The following MRPL49 variants were observed in gnomAD, a reference collection of about 807,000 sequenced individuals.
MRPL49 encodes the protein mitochondrial ribosomal protein L49.
Under a neutral mutation model 18.4 loss-of-function variants are expected in MRPL49, and 14 were observed. The observed-to-expected ratio is 0.76, with a 90% CI of 0.50 to 1.19. MRPL49 has a LOEUF of 1.19. Ranked by LOEUF, MRPL49 falls within the 50% of genes most tolerant of loss-of-function variation. The pLI, the probability that MRPL49 is intolerant of heterozygous loss-of-function variation, is 0.00. For missense variants in MRPL49, 190 were observed against 217.8 expected, an observed-to-expected ratio of 0.87 and a Z score of 0.80; for synonymous variants, 104 against 86.2, an observed-to-expected ratio of 1.21 and a Z score of -1.14.
At position 65,122,370 on chromosome 11, in the gene MRPL49, T is replaced by C. The variant is rs770601478; in HGVS notation, c.24T>C (p.Ala8=). MAATMFR[A]TLRGWRTGVQ... is the part of the protein sequence containing the mutation. ...AGATGGCAGCTACCATGTTCCGGGC[T>C]ACGCTGCGGGGATGGAGAACCGGTG... The change falls in exon 1 of 4, where the codon GCT becomes GCC. Residue 8 remains alanine (A), a synonymous_variant. Coordinates refer to ENST00000279242, the MANE Select transcript of MRPL49 (RefSeq NM_004927.4). The C allele has an allele frequency of 2.3e-5, 37 of 1,613,086 alleles. No homozygotes were observed. Among genetic ancestry groups the C allele is most frequent in the Non-Finnish European group, 3.1e-5 (37 of 1,179,710 alleles).
Position 65,124,671 on chromosome 11 carries a change from G to A in MRPL49, c.229+19G>A, listed in dbSNP as rs779990306. 2 of 1,612,554 alleles carry A rather than the reference G, an allele frequency of 1.2e-6. No homozygotes were observed. Among genetic ancestry groups the A allele is most frequent in the Non-Finnish European group, 1.7e-6 (2 of 1,179,370 alleles). ...CCCAGAGGTGAGCTGGGTGGTTAGG[G>A]ATGATTTGAAAGCTTCACGGAGCAT... On this transcript the variant is annotated intron_variant, in intron 2 of 3. Coordinates refer to ENST00000279242, the MANE Select transcript of MRPL49 (RefSeq NM_004927.4).
chr11:65,122,519 G>C, intron 1 of MRPL49, 95 bp downstream of exon 1: 1 of 1,232,742 alleles, frequency 8.1e-7, no homozygotes, highest in Non-Finnish European at 1.1e-6. Flanking sequence ...TTCCTACTTG[G>C]GGCCTTAGTT....
At position 65,125,494 on chromosome 11, in the gene MRPL49, C is replaced by T. The variant is rs1948090845; in HGVS notation, c.236C>T (p.Pro79Leu). 2 of 1,613,802 alleles carry T rather than the reference C, an allele frequency of 1.2e-6. No individual in the cohort carries two copies. Among genetic ancestry groups the T allele is most frequent in the Non-Finnish European group, 1.7e-6 (2 of 1,179,914 alleles). ...GTGTCTTTCCCTGTTGCAGACCCCC[C>T]ACCCAACCTGCCTTACTTTGTACGA... ...PSGWQPPRDP[P>L]PNLPYFVRRS... Residue 79 changes from proline to leucine, a missense_variant, in exon 3 of 4, where the codon CCA (proline) becomes CTA (leucine). By Grantham distance (98) the Pro-to-Leu change is moderately conservative. Coordinates refer to ENST00000279242, the MANE Select transcript of MRPL49 (RefSeq NM_004927.4).
In MRPL49 at chr11:65,125,498, C is replaced by G; in HGVS notation, c.240C>G (p.Pro80=). ...CTTTCCCTGTTGCAGACCCCCCACC[C>G]AACCTGCCTTACTTTGTACGACGCT... is the stretch of plus-strand genomic sequence containing the variant. ...SGWQPPRDPP[P]NLPYFVRRSR... is the part of the protein sequence containing the mutation. The change falls in exon 3 of 4, where the codon CCC becomes CCG. Residue 80 remains proline, a synonymous_variant. Coordinates refer to ENST00000279242, the MANE Select transcript of MRPL49 (RefSeq NM_004927.4). The G allele has an allele frequency of 5.6e-6, 9 of 1,613,862 alleles. No individual in the cohort carries two copies. Among genetic ancestry groups the G allele is most frequent in the Non-Finnish European group, 7.6e-6 (9 of 1,179,924 alleles).
chr11:65,125,299 G>C, intron 2 of MRPL49, 189 bp from the exon 3 acceptor site: 1 of 625,074 alleles, frequency 1.6e-6, no homozygotes, highest in Non-Finnish European at 2.7e-6. Flanking sequence ...TGGGGCCTTA[G>C]GGTACCAGGG....
In MRPL49 at chr11:65,126,028, A is replaced by C; in HGVS notation, c.*156A>C. 665 of 762,662 alleles carry C rather than the reference A, an allele frequency of 8.7e-4. No homozygotes were observed. Among genetic ancestry groups the C allele is most frequent in the East Asian group, 1.5e-3 (51 of 33,308 alleles). The allele number at this position is 762,662 out of a possible 1,614,324, so 47.2% of individuals were successfully genotyped here. On this transcript the variant is annotated 3_prime_UTR_variant, in exon 4 of 4. Coordinates refer to ENST00000279242, the MANE Select transcript of MRPL49 (RefSeq NM_004927.4). ...CAGGCCTTGCTTGCATAAAGGAGAA[A>C]ACAACTCTATGTACATGCTGGGGGA...
rs760477929 is a variant in MRPL49, at chr11:65,122,330, T to C, written c.-17T>C. ...CCAGACAGTTGCGCGCACAGAAGGC[T>C]GGCGTAGCAGGTAAAGATGGCAGCT... On this transcript the variant is annotated 5_prime_UTR_variant, in exon 1 of 4. Transcript: ENST00000279242. 1 of 1,610,274 alleles carries C rather than the reference T, an allele frequency of 6.2e-7. No homozygotes were observed. Among genetic ancestry groups the C allele is most frequent in the South Asian group, 1.1e-5 (1 of 90,632 alleles).
rs1294963508 is a variant in MRPL49 at position 65,126,761 on chromosome 11, A to C, written c.*889A>C. 9 of 507,944 alleles carry C rather than the reference A, an allele frequency of 1.8e-5. No individual in the cohort carries two copies. The highest frequency in any genetic ancestry group is 3.1e-5 in the Non-Finnish European group (9 of 287,280). 31.5% of individuals were successfully genotyped at this position (507,944 alleles called of 1,614,324 possible). ...GGGCTCTGATAGAGAGGTAGGAGGC[A>C]CGTTCTTGGTCACTGTTCCATTGCA... is the stretch of plus-strand genomic sequence containing the variant. On this transcript the variant is annotated 3_prime_UTR_variant, in exon 4 of 4. Transcript: ENST00000279242.
rs755265449 is a variant in MRPL49, at chr11:65,125,719, T to A, written c.355-7T>A. The A allele has an allele frequency of 1.2e-6, 2 of 1,613,528 alleles. No individual in the cohort carries two copies. Among genetic ancestry groups the A allele is most frequent in the East Asian group, 4.5e-5 (2 of 44,842 alleles). The stretch of plus-strand genomic sequence containing the variant: ...TTGGCCTGACCTGATTTGTCATCTT[T>A]CCCCAGGCCCTGCAGAAAGACGTGG... On this transcript the variant is annotated splice_region_variant and splice_polypyrimidine_tract_variant and intron_variant, in intron 3 of 3. Coordinates refer to ENST00000279242, the MANE Select transcript of MRPL49 (RefSeq NM_004927.4).
Position 65,125,561 on chromosome 11 carries a change from G to T in MRPL49, c.303G>T (p.Thr101=), listed in dbSNP as rs751025132. Residue 101 remains threonine, a synonymous_variant, in exon 3 of 4, where the codon ACG becomes ACT. Coordinates refer to ENST00000279242, the MANE Select transcript of MRPL49 (RefSeq NM_004927.4). ...MHNIPVYKDI[T]HGNRQMTVIR... ...ACATCCCCGTCTACAAGGACATCAC[G>T]CATGGCAACCGGCAGATGACTGTGA... 5 of 1,613,794 alleles carry T rather than the reference G, an allele frequency of 3.1e-6. No homozygotes were observed. The highest frequency in any genetic ancestry group is 4.2e-6 in the Non-Finnish European group (5 of 1,179,916).
chr11:65,125,854 C>T lies in MRPL49; in HGVS notation c.483C>T (p.Leu161=), dbSNP rs747074773. 3 of 1,607,652 alleles carry T rather than the reference C, an allele frequency of 1.9e-6. No homozygotes were observed. In the African/African-American group the frequency reaches 4.0e-5, roughly 22 times the overall value. ...TTGACCAGGAGCTTAAAGCCTGGCT[C>T]TTGGAGAAAGGCTTCTGAGGCCCAG... ...GYFDQELKAW[L]LEKGF The change falls in exon 4 of 4, where the codon CTC becomes CTT. Residue 161 remains leucine (L), a synonymous_variant. Transcript: ENST00000279242.
At chr11:65,122,445 GC>G (rs1565334802) in intron 1 of MRPL49, 21 bp downstream of exon 1, 16 of 1,604,976 alleles carry the variant, frequency 1.0e-5, no homozygotes, top group Non-Finnish European at 1.4e-5. Flanking sequence ...TGAGCGAGGA[GC>G]TGAGGGCATC....
In MRPL49 at chr11:65,126,974, T is replaced by G. The variant is rs1280877698; in HGVS notation, c.*1102T>G. 3 of 680,146 alleles carry G rather than the reference T, an allele frequency of 4.4e-6. No homozygotes were observed. Among genetic ancestry groups the G allele is most frequent in the Non-Finnish European group, 8.0e-6 (3 of 374,904 alleles). The allele number at this position is 680,146 out of a possible 1,614,324, so 42.1% of individuals were successfully genotyped here. On this transcript the variant is annotated 3_prime_UTR_variant, in exon 4 of 4. Coordinates refer to ENST00000279242, the MANE Select transcript of MRPL49 (RefSeq NM_004927.4). ...ACTAGCCTTCATATATGCCTTATAC[T>G]TGGAGTCACAGGGGCCAAAGGCCTG...
In MRPL49 at chr11:65,127,143, C is replaced by T; in HGVS notation, c.*1271C>T. The T allele has an allele frequency of 1.5e-6, 1 of 662,728 alleles. No homozygotes were observed. Among genetic ancestry groups the T allele is most frequent in the Non-Finnish European group, 2.7e-6 (1 of 365,896 alleles). 41.1% of individuals were successfully genotyped at this position (662,728 alleles called of 1,614,324 possible). A position where few individuals can be genotyped will look rare whatever the true frequency, so the allele number is the denominator to read the frequency against. On this transcript the variant is annotated 3_prime_UTR_variant, in exon 4 of 4. Coordinates refer to ENST00000279242, the MANE Select transcript of MRPL49 (RefSeq NM_004927.4). Reference sequence around the variant, plus strand: ...CACATCTTCCTAATCTGTTAATGGTCAGTGGTGTCCCCAAGGATAGTGCTG... The same window carrying T: ...CACATCTTCCTAATCTGTTAATGGTTAGTGGTGTCCCCAAGGATAGTGCTG...
intron 1 of MRPL49, among the ~76,000 whole-genome samples, chr11:65,122,652 C>T (rs892747804): frequency 1.2e-4 from 18 of 151,686 alleles, no homozygotes; most frequent in Non-Finnish European, 1.5e-4. Flanking sequence ...ATATAAGCCA[C>T]AACGTTTCAG....
chr11:65,127,015 C>T lies in MRPL49; in HGVS notation c.*1143C>T. The T allele has an allele frequency of 1.4e-6, 1 of 701,208 alleles. No homozygotes were observed. Among genetic ancestry groups the T allele is most frequent in the Non-Finnish European group, 2.6e-6 (1 of 384,380 alleles). The allele number at this position is 701,208 out of a possible 1,614,324, so 43.4% of individuals were successfully genotyped here. The stretch of plus-strand genomic sequence containing the variant: ...CAAAGGCCTGAGACCCCACCCTGCC[C>T]CCAAACTGGCTAAGACAGCTTTCAG... On this transcript the variant is annotated 3_prime_UTR_variant, in exon 4 of 4. Coordinates refer to ENST00000279242, the MANE Select transcript of MRPL49 (RefSeq NM_004927.4).
rs888335714 is a variant in MRPL49, at chr11:65,126,735, C to T, written c.*863C>T. On this transcript the variant is annotated 3_prime_UTR_variant, in exon 4 of 4. Transcript: ENST00000279242. ...GGGCACAGAGTGCCCACGTTAGCCC[C>T]GGGCTCTGATAGAGAGGTAGGAGGC... The T allele has an allele frequency of 3.2e-5, 15 of 470,630 alleles. No individual in the cohort carries two copies. The highest frequency in any genetic ancestry group is 3.4e-5 in the Non-Finnish European group (9 of 264,272). 29.2% of individuals were successfully genotyped at this position (470,630 alleles called of 1,614,324 possible). A position where few individuals can be genotyped will look rare whatever the true frequency, so the allele number is the denominator to read the frequency against.
chr11:65,125,558 C>A lies in MRPL49; in HGVS notation c.300C>A (p.Ile100=). 6.2e-7 allele frequency: 1 copy of A among 1,614,166 alleles called. No homozygotes were observed. Among genetic ancestry groups the A allele is most frequent in the Non-Finnish European group, 8.5e-7 (1 of 1,180,036 alleles). ...ACAACATCCCCGTCTACAAGGACAT[C>A]ACGCATGGCAACCGGCAGATGACTG... ...RMHNIPVYKD[I]THGNRQMTVI... The change falls in exon 3 of 4, where the codon ATC becomes ATA. Residue 100 remains isoleucine, a synonymous_variant. Coordinates refer to ENST00000279242, the MANE Select transcript of MRPL49 (RefSeq NM_004927.4).
chr11:65,126,985 G>C lies in MRPL49; in HGVS notation c.*1113G>C, dbSNP rs916627664. ...TATATGCCTTATACTTGGAGTCACAGGGGCCAAAGGCCTGAGACCCCACCC... is the reference window on the plus strand; with the variant it reads ...TATATGCCTTATACTTGGAGTCACACGGGCCAAAGGCCTGAGACCCCACCC... On this transcript the variant is annotated 3_prime_UTR_variant, in exon 4 of 4. Coordinates refer to ENST00000279242, the MANE Select transcript of MRPL49 (RefSeq NM_004927.4). The C allele has an allele frequency of 2.2e-5, 15 of 679,304 alleles. No individual in the cohort carries two copies. The highest frequency in any genetic ancestry group is 5.3e-5 in the African/African-American group (3 of 56,084). The allele number at this position is 679,304 out of a possible 1,614,324, so 42.1% of individuals were successfully genotyped here.
Sources: allele counts gnomAD v4.1 joint callset (sites outside exome capture counted in the v4.1 genomes callset), GRCh38; gene constraint gnomAD v4.1.1; transcripts MANE v1.5; gene names NCBI Gene and HGNC (gene_info 2026-07-23, HGNC 2026-07-21).